CCK: variants seen among roughly 807,000 people sequenced by gnomAD.
CCK encodes the protein cholecystokinin, also known as cholecystokinin triacontatriapeptide.
A neutral mutation model predicts 10.1 loss-of-function variants in CCK; 11 were observed. The observed-to-expected ratio is 1.09, with a 90% confidence interval of 0.69 to 1.81. The LOEUF is 1.81. Among genes scored for constraint, CCK ranks in the 40% most tolerant of loss-of-function variants. The probability of loss-of-function intolerance (pLI) is 0.00; values close to 1 mark genes in which losing one functional copy is unlikely to be tolerated. For missense variants in CCK, 137 were observed against 159.9 expected, an observed-to-expected ratio of 0.86 and a Z score of 0.77; for synonymous variants, 83 against 71.9, an observed-to-expected ratio of 1.15 and a Z score of -0.78.
intron 4 of CCK, among the ~76,000 whole-genome samples, chr3:42,262,642 A>T (rs1711233040): frequency 6.6e-6 from 1 of 152,228 alleles, no homozygotes; most frequent in Non-Finnish European, 1.5e-5. Flanking sequence ...AATCCAAAGC[A>T]TGATTCCTAT....
At chr3:42,262,090 T>C (rs1711222640) in intron 4 of CCK, among the ~76,000 whole-genome samples, 1 of 152,102 alleles carries the variant, frequency 6.6e-6, no homozygotes, top group Admixed American at 6.6e-5. Context: ...ACTCTTCATC[T>C]TATCCCTCTC....
At position 42,258,025 on chromosome 3, in the gene CCK, G is replaced by A; in HGVS notation, c.*73C>T. 6.9e-7 allele frequency: 1 copy of A among 1,451,512 alleles called. No homozygotes were observed. Among genetic ancestry groups the A allele is most frequent in the Non-Finnish European group, 9.4e-7 (1 of 1,063,964 alleles). 89.9% of individuals were successfully genotyped at this position (1,451,512 alleles called of 1,614,324 possible). On this transcript the variant is annotated 3_prime_UTR_variant, in exon 5 of 5. Coordinates refer to ENST00000396169, the MANE Select transcript of CCK (RefSeq NM_000729.6). ...ACTCCACAGACAATGAGTTATGAGT[G>A]TGATTGTTTTCTTATTCTGCCTCCT...
At chr3:42,258,373 T>C (rs987690356) in intron 4 of CCK, 142 bp from the exon 5 acceptor site, 1 of 819,204 alleles carries the variant, frequency 1.2e-6, no homozygotes, top group East Asian at 2.6e-5. Context: ...ATCAAAGTAG[T>C]GGAACTGATG....
intron 4 of CCK, 88 bp downstream of exon 4, chr3:42,263,329 C>T (rs776208885): frequency 6.9e-6 from 11 of 1,593,036 alleles, no homozygotes; most frequent in Non-Finnish European, 9.5e-6. Flanking sequence ...AGAGGTCATC[C>T]CCATCAGGCT....
intron 3 of CCK, among the ~76,000 whole-genome samples, chr3:42,264,406 G>T (rs1286728372): frequency 2.0e-5 from 3 of 152,060 alleles, no homozygotes; most frequent in African/African-American, 4.8e-5. Flanking sequence ...AAAGTCCCCC[G>T]CACCGCTGTG....
At chr3:42,263,332 A>T (rs1259096093) in intron 4 of CCK, 85 bp downstream of exon 4, 2 of 1,600,980 alleles carry the variant, frequency 1.2e-6, no homozygotes, top group Admixed American at 3.3e-5. Flanking sequence ...GGTCATCCCC[A>T]TCAGGCTAGC....
rs1379823935 is a variant in CCK, at chr3:42,258,153, A to G, written c.293T>C (p.Met98Thr). 6.2e-7 allele frequency: 1 copy of G among 1,614,148 alleles called. No individual in the cohort carries two copies. The highest frequency in any genetic ancestry group is 1.3e-5 in the African/African-American group (1 of 75,042). The change falls in exon 5 of 5, where the codon ATG becomes ACG. Residue 98 changes from methionine to threonine, a missense_variant. Transcript: ENST00000396169. ...GCGACGGCCAAAATCCATCCAGCCC[A>G]TGTAGTCCCGGTCACTTATCCTGTG... Reference protein sequence around the residue: ...PSHRISDRDYMGWMDFGRRSA... With the variant: ...PSHRISDRDYTGWMDFGRRSA...
In CCK at chr3:42,257,987, C is replaced by T; in HGVS notation, c.*111G>A. 1.7e-6 allele frequency: 2 copies of T among 1,152,382 alleles called. No homozygotes were observed. The highest frequency in any genetic ancestry group is 2.5e-6 in the Non-Finnish European group (2 of 812,970). 71.4% of individuals were successfully genotyped at this position (1,152,382 alleles called of 1,614,324 possible). ...ACATTGAGAACTTAATAAATAGATA[C>T]ATACAATGTCAAACTCCACAGACAA... On this transcript the variant is annotated 3_prime_UTR_variant, in exon 5 of 5. Coordinates refer to ENST00000396169, the MANE Select transcript of CCK (RefSeq NM_000729.6).
At chr3:42,261,617 T>TTTC (rs72030452) in intron 4 of CCK, among the ~76,000 whole-genome samples, 2 of 151,428 alleles carry the variant, frequency 1.3e-5, no homozygotes, top group Non-Finnish European at 2.9e-5. Context: ...GCTTTTTTTT[T>TTTC]TTTCTTTTTT....
At chr3:42,263,245 A>T in intron 4 of CCK, 172 bp downstream of exon 4, 2 of 972,026 alleles carry the variant, frequency 2.1e-6, no homozygotes, top group Admixed American at 4.0e-5. Context: ...TTACTTATAA[A>T]TTAAGTCCTC....
chr3:42,264,029 G>C (rs568896973), intron 3 of CCK: 1 of 176,320 alleles, frequency 5.7e-6, no homozygotes, highest in African/African-American at 2.4e-5. Context: ...GACTCCGTGG[G>C]AGAAATGAGA....
At chr3:42,262,370 G>A (rs553468038) in intron 4 of CCK, among the ~76,000 whole-genome samples, 4 of 152,104 alleles carry the variant, frequency 2.6e-5, no homozygotes. Context: ...ACAAGCATGT[G>A]CCACCATGCC....
intron 4 of CCK, among the ~76,000 whole-genome samples, chr3:42,260,657 TC>T (rs1270817624): frequency 6.6e-6 from 1 of 152,160 alleles, no homozygotes; most frequent in Non-Finnish European, 1.5e-5. Context: ...TGGACGGGCC[TC>T]CCTCTGAATC....
At position 42,266,053 on chromosome 3, in the gene CCK, C is replaced by T. The variant is rs1170686862; in HGVS notation, c.-752G>A. ...GCCCAGCCTGGGACCTGGAGATCAC[C>T]AGGCCTTGAACCTTGGGACCTCAAC... On this transcript the variant is annotated 5_prime_UTR_variant, in exon 1 of 5. Transcript: ENST00000396169. The T allele has an allele frequency of 6.6e-6, 1 of 152,344 alleles. No homozygotes were observed. Among genetic ancestry groups the T allele is most frequent in the African/African-American group, 2.4e-5 (1 of 41,442 alleles). 9.4% of individuals were successfully genotyped at this position (152,344 alleles called of 1,614,324 possible). A position where few individuals can be genotyped will look rare whatever the true frequency, so the allele number is the denominator to read the frequency against.
At chr3:42,263,062 A>G (rs1711237819) in intron 4 of CCK, 1 of 376,564 alleles carries the variant, frequency 2.7e-6, no homozygotes, top group Admixed American at 4.0e-5. Context: ...AAGGGTTGGT[A>G]TCTGGGTGGC....
intron 3 of CCK, among the ~76,000 whole-genome samples, chr3:42,264,246 C>G (rs1443098278): frequency 6.6e-6 from 1 of 152,222 alleles, no homozygotes; most frequent in African/African-American, 2.4e-5. Context: ...ATGTGCCCAG[C>G]GCTCAGGCTT....
At chr3:42,262,479 C>A (rs181739799) in intron 4 of CCK, among the ~76,000 whole-genome samples, 1 of 152,268 alleles carries the variant, frequency 6.6e-6, no homozygotes, top group East Asian at 1.9e-4. Context: ...CTCAGCCCCC[C>A]AAAGTGCTGG....
At chr3:42,263,672 C>T (rs946558575) in intron 3 of CCK, 40 bp from the exon 4 acceptor site, 2 of 1,483,648 alleles carry the variant, frequency 1.3e-6, no homozygotes, top group Non-Finnish European at 1.8e-6. Flanking sequence ...AACTGAAAGG[C>T]TGGGCAACAG....
At chr3:42,259,667 A>G (rs1711186423) in intron 4 of CCK, among the ~76,000 whole-genome samples, 1 of 152,222 alleles carries the variant, frequency 6.6e-6, no homozygotes, top group African/African-American at 2.4e-5. Context: ...TTAAGTCTTC[A>G]GGAACAGTGT....
Sources: allele counts gnomAD v4.1 joint callset (sites outside exome capture counted in the v4.1 genomes callset), GRCh38; gene constraint gnomAD v4.1.1; transcripts MANE v1.5; gene names NCBI Gene and HGNC (gene_info 2026-07-23, HGNC 2026-07-21).